The following VAPA variants were observed in gnomAD, a reference collection of about 807,000 sequenced individuals.
VAPA encodes vesicle-associated membrane protein-associated protein A.
A neutral mutation model predicts 25.6 loss-of-function variants in VAPA; 6 were observed. The observed-to-expected ratio is 0.23, with a 90% CI of 0.13 to 0.46. The LOEUF is 0.46. Ranked by LOEUF, VAPA falls within the 20% of genes least tolerant of loss-of-function variation. The pLI, the probability that VAPA is intolerant of heterozygous loss-of-function variation, is 0.99. For synonymous variants in VAPA, 112 were observed against 106.2 expected (o/e 1.05, Z -0.34); for missense variants, 244 against 302.1 (o/e 0.81, Z 1.43).
At chr18:9,953,887 A>G (rs1024403098) in intron 5 of VAPA, among the ~76,000 whole-genome samples, 166 bp from the exon 6 acceptor site, 5 of 152,174 alleles carry the variant, frequency 3.3e-5, no homozygotes, top group South Asian at 2.1e-4. Flanking sequence ...TAGAATGTCT[A>G]TCACCCCCGG....
intron 1 of VAPA, among the ~76,000 whole-genome samples, chr18:9,928,330 T>C (rs953359259): frequency 1.1e-4 from 17 of 152,188 alleles, no homozygotes; most frequent in African/African-American, 3.4e-4. Context: ...ATAAAAGATA[T>C]ATACAGTTCA....
At position 9,954,179 on chromosome 18, in the gene VAPA, A is replaced by G; in HGVS notation, c.718A>G (p.Ile240Val). ...TCTTGTTGTAATTGCAGCCATTTTC[A>G]TTGGATTCTTTCTAGGGAAATTCAT... is the stretch of plus-strand genomic sequence containing the variant. ...SLLVVIAAIF[I>V]GFFLGKFIL The change falls in exon 6 of 6, where the codon ATT becomes GTT. Residue 240 changes from isoleucine to valine, a missense_variant. This residue lies in a region of VAPA where 145 missense variants were observed against 140.6 expected (regional missense o/e 1.03). Transcript: ENST00000400000. The G allele has an allele frequency of 1.9e-6, 3 of 1,612,610 alleles. No individual in the cohort carries two copies. Among genetic ancestry groups the G allele is most frequent in the Admixed American group, 3.3e-5 (2 of 59,914 alleles).
Position 9,944,958 on chromosome 18 carries a change from C to A in VAPA, c.418-5437C>A, listed in dbSNP as rs765549745. 8.1e-6 allele frequency: 13 copies of A among 1,614,070 alleles called. 2 individuals carry two copies. In the South Asian group the frequency reaches 1.2e-4, roughly 15 times the overall value. On this transcript the variant is annotated intron_variant, in intron 4 of 5. Transcript: ENST00000400000. ...CCACCAGGGAATGCTCCGACTGTCACTTCAATGAGCAGCATCAACAACACA... is the reference window on the plus strand; with the variant it reads ...CCACCAGGGAATGCTCCGACTGTCAATTCAATGAGCAGCATCAACAACACA...
chr18:9,936,393 A>G (rs1431097623), intron 3 of VAPA, 180 bp downstream of exon 3: 11 of 425,810 alleles, frequency 2.6e-5, no homozygotes, highest in Non-Finnish European at 4.6e-5. Context: ...TTTAAATAGT[A>G]TTTTTTTTTA....
At chr18:9,939,817 A>G (rs543846697) in intron 4 of VAPA, among the ~76,000 whole-genome samples, 74 of 152,214 alleles carry the variant, frequency 4.9e-4, no homozygotes, top group African/African-American at 1.5e-3. Flanking sequence ...ATGCCTTTCA[A>G]CTTCCTGTGA....
At chr18:9,942,342 G>T (rs1041803100) in intron 4 of VAPA, among the ~76,000 whole-genome samples, 1 of 152,134 alleles carries the variant, frequency 6.6e-6, no homozygotes, top group African/African-American at 2.4e-5. Context: ...TTTGGTTAGT[G>T]TTCAAAGCAG....
At chr18:9,923,964 C>T (rs568534320) in intron 1 of VAPA, 54 of 174,562 alleles carry the variant, frequency 3.1e-4, no homozygotes, top group Non-Finnish European at 5.4e-4. Flanking sequence ...CGTCTGATCT[C>T]GGAAGCTAGC....
chr18:9,948,449 A>G (rs1341932156), intron 4 of VAPA: 2 of 152,228 alleles, frequency 1.3e-5, no homozygotes, highest in Admixed American at 6.5e-5. Context: ...GTGAGAAATG[A>G]CTTTTTCCCT....
In VAPA at chr18:9,957,744, G is replaced by C. The variant is rs1226569587; in HGVS notation, c.*3533G>C. 6.6e-6 allele frequency: 1 copy of C among 152,188 alleles called. No individual in the cohort carries two copies. The highest frequency in any genetic ancestry group is 1.5e-5 in the Non-Finnish European group (1 of 68,024). The allele number at this position is 152,188 out of a possible 1,614,324, so 9.4% of individuals were successfully genotyped here. A position where few individuals can be genotyped will look rare whatever the true frequency, so the allele number is the denominator to read the frequency against. On this transcript the variant is annotated 3_prime_UTR_variant, in exon 6 of 6. Transcript: ENST00000400000. ...CAAAAAAAATTTCAACAGATTGTGT[G>C]GTTTGTGCATTTATATCCTGTTAAG...
rs1423497110 is a variant in VAPA at position 9,957,909 on chromosome 18, T to C, written c.*3698T>C. 1 of 152,214 alleles carries C rather than the reference T, an allele frequency of 6.6e-6. No homozygotes were observed. The highest frequency in any genetic ancestry group is 1.5e-5 in the Non-Finnish European group (1 of 68,022). 9.4% of individuals were successfully genotyped at this position (152,214 alleles called of 1,614,324 possible). A position where few individuals can be genotyped will look rare whatever the true frequency, so the allele number is the denominator to read the frequency against. On this transcript the variant is annotated 3_prime_UTR_variant, in exon 6 of 6. Transcript: ENST00000400000. ...TTTCATAGCCCCACTTTTGGTAGACTACCACCACGCTTCTTCGCGTAAGCA... is the reference window on the plus strand; with the variant it reads ...TTTCATAGCCCCACTTTTGGTAGACCACCACCACGCTTCTTCGCGTAAGCA...
In VAPA at chr18:9,956,743, A is replaced by G. The variant is rs1399261601; in HGVS notation, c.*2532A>G. 6.6e-6 allele frequency: 1 copy of G among 152,564 alleles called. No homozygotes were observed. The allele number at this position is 152,564 out of a possible 1,614,324, so 9.5% of individuals were successfully genotyped here. A position where few individuals can be genotyped will look rare whatever the true frequency, so the allele number is the denominator to read the frequency against. ...GTTTGTCTTCATTCCTTATATGTTT[A>G]GAAGTTTTTGCTTTGTCTGCCTGCT... is the stretch of plus-strand genomic sequence containing the variant. On this transcript the variant is annotated 3_prime_UTR_variant, in exon 6 of 6. Coordinates refer to ENST00000400000, the MANE Select transcript of VAPA (RefSeq NM_194434.3).
chr18:9,914,974 A>G (rs2069099996), intron 1 of VAPA: 1 of 151,314 alleles, frequency 6.6e-6, no homozygotes, highest in Non-Finnish European at 1.5e-5. Context: ...CAGGTTTAGA[A>G]CTCGGCCGTC....
chr18:9,929,632 C>T (rs1399944419), intron 1 of VAPA, among the ~76,000 whole-genome samples: 1 of 152,070 alleles, frequency 6.6e-6, no homozygotes, highest in African/African-American at 2.4e-5. Flanking sequence ...ATATTTCTTT[C>T]CGTGACTTTT....
intron 1 of VAPA, 46 bp downstream of exon 1, chr18:9,914,381 C>G (rs779574951): frequency 6.6e-7 from 1 of 1,509,956 alleles, no homozygotes; most frequent in Non-Finnish European, 8.9e-7. Flanking sequence ...GCGCGCGGAC[C>G]GCTGGCTGTC....
chr18:9,914,585 G>A (rs2069094825), intron 1 of VAPA: 3 of 176,174 alleles, frequency 1.7e-5, no homozygotes, highest in Non-Finnish European at 1.2e-5. Context: ...GAGGCGGAGG[G>A]GAGCCCGGCC....
intron 5 of VAPA, chr18:9,951,387 T>A (rs1358097924): frequency 1.3e-5 from 2 of 152,318 alleles, no homozygotes; most frequent in Non-Finnish European, 2.9e-5. Flanking sequence ...TCATGTCTGC[T>A]TTGTGCCTCC....
chr18:9,933,769 C>T (rs1325635011), intron 2 of VAPA, among the ~76,000 whole-genome samples: 1 of 152,160 alleles, frequency 6.6e-6, no homozygotes, highest in East Asian at 1.9e-4. Context: ...AACTCCTGAC[C>T]TCAAGTGATC....
At chr18:9,947,977 CA>C (rs1304159515) in intron 4 of VAPA, 1 of 151,936 alleles carries the variant, frequency 6.6e-6, no homozygotes, top group African/African-American at 2.4e-5. Context: ...TATGTATGTT[CA>C]CTGGTTTGTA....
Position 9,954,062 on chromosome 18 carries a change from T to G in VAPA, c.601T>G (p.Leu201Val), listed in dbSNP as rs1284460203. The change falls in exon 6 of 6, where the codon TTA (leucine) becomes GTA (valine). Residue 201 changes from leucine (L) to valine (V), a missense_variant. Leu to Val is a conservative substitution (Grantham distance 32). Around this residue, in one of 2 missense-constraint regions of VAPA, gnomAD observed 145 missense variants for 140.6 expected, o/e 1.03. Coordinates refer to ENST00000400000, the MANE Select transcript of VAPA (RefSeq NM_194434.3). ...TGTGTTTTTTTTCTAGGATGAAGGT[T>G]TAAGGCTCAGAAAGGTAGCACATTC... ...EENRHLRDEG[L>V]RLRKVAHSDK... The G allele has an allele frequency of 6.2e-7, 1 of 1,613,800 alleles. No individual in the cohort carries two copies. The highest frequency in any genetic ancestry group is 8.5e-7 in the Non-Finnish European group (1 of 1,179,946).
Sources: allele counts gnomAD v4.1 joint callset (sites outside exome capture counted in the v4.1 genomes callset), GRCh38; gene constraint gnomAD v4.1.1; regional missense constraint gnomAD v4.1.1; transcripts MANE v1.5; gene names NCBI Gene and HGNC (gene_info 2026-07-23, HGNC 2026-07-21).